Variants in ENOSF1 observed in about 807,000 individuals in gnomAD.
ENOSF1 encodes enolase superfamily member 1, also known as mitochondrial enolase superfamily member 1.
Under a neutral mutation model 68.2 loss-of-function variants are expected in ENOSF1, and 73 were observed. That is an observed-to-expected ratio of 1.07 (90% CI 0.89 to 1.30). The LOEUF is 1.30. ENOSF1 is among the 50% of genes most tolerant of loss of function. The probability of loss-of-function intolerance (pLI) is 0.00; values close to 1 mark genes in which losing one functional copy is unlikely to be tolerated. For missense variants in ENOSF1, 589 were observed against 554.5 expected (o/e 1.06, Z -0.62); for synonymous variants, 223 against 210.4 (o/e 1.06, Z -0.52).
intron 2 of ENOSF1, among the ~76,000 whole-genome samples, chr18:705,531 A>C (rs2078832606): frequency 6.6e-6 from 1 of 152,066 alleles, no homozygotes; most frequent in Non-Finnish European, 1.5e-5. Flanking sequence ...GCTCTGAAAA[A>C]AGTTATGTTC....
chr18:682,699 T>C (rs2076190532), intron 11 of ENOSF1, among the ~76,000 whole-genome samples: 1 of 133,560 alleles, frequency 7.5e-6, no homozygotes. Flanking sequence ...TGAAACCTCA[T>C]CTCTACTAAA....
At position 672,915 on chromosome 18, in the gene ENOSF1, A is replaced by C. The variant is rs1328401362; in HGVS notation, c.*1390T>G. 16 of 1,599,178 alleles carry C rather than the reference A, an allele frequency of 1.0e-5. No individual in the cohort carries two copies. Among genetic ancestry groups the C allele is most frequent in the Non-Finnish European group, 1.4e-5 (16 of 1,168,370 alleles). On this transcript the variant is annotated 3_prime_UTR_variant, in exon 16 of 16. Transcript: ENST00000647584. ...CTCAGGATTCTTCGAAAAGTTGAGAAAATTGATGACTTCAAAGCTGAAGAC... is the reference window on the plus strand; with the variant it reads ...CTCAGGATTCTTCGAAAAGTTGAGACAATTGATGACTTCAAAGCTGAAGAC...
In ENOSF1 at chr18:671,554, C is replaced by CT; in HGVS notation, c.*2750dup. On this transcript the variant is annotated 3_prime_UTR_variant, in exon 16 of 16. Coordinates refer to ENST00000647584, the MANE Select transcript of ENOSF1 (RefSeq NM_017512.7). ...AATGCTGTGTCCAAGATAAAGATGA[C>CT]TGCTCCAAATGTGGGGCTTCAGTTT... 1.2e-6 allele frequency: 1 copy of CT among 817,364 alleles called. No individual in the cohort carries two copies. The highest frequency in any genetic ancestry group is 2.1e-6 in the Non-Finnish European group (1 of 480,478). The allele number at this position is 817,364 out of a possible 1,614,324, so 50.6% of individuals were successfully genotyped here.
chr18:702,938 T>A (rs1228911911), intron 2 of ENOSF1, among the ~76,000 whole-genome samples: 2 of 152,190 alleles, frequency 1.3e-5, no homozygotes, highest in African/African-American at 2.4e-5. Context: ...CCTATTTTTT[T>A]AAATCATAAA....
chr18:667,523 TGATGGA>T (rs1567990872), downstream of ENOSF1, among the ~76,000 whole-genome samples: 20 of 55,996 alleles, frequency 3.6e-4, 2 homozygotes, highest in East Asian at 2.1e-3. Context: ...ATGGTGATGG[TGATGGA>T]GATGGTGATG....
chr18:670,857 C>T lies in ENOSF1; in HGVS notation c.*3448G>A, dbSNP rs750248338. 3 of 1,613,974 alleles carry T rather than the reference C, an allele frequency of 1.9e-6. No individual in the cohort carries two copies. The highest frequency in any genetic ancestry group is 1.3e-5 in the African/African-American group (1 of 75,004). ...CTCACGTACATGATTGCGCACATCA[C>T]GGGCCTGAAGGTGGGCTGTCTCGGG... is the stretch of plus-strand genomic sequence containing the variant. On this transcript the variant is annotated 3_prime_UTR_variant, in exon 16 of 16. Coordinates refer to ENST00000647584, the MANE Select transcript of ENOSF1 (RefSeq NM_017512.7).
rs1395706031 is a variant in ENOSF1, at chr18:712,511, T to TCCGCG, written c.72_76dup (p.Asp26AlafsTer18). ...CATGGCGTCCGCGCTTACCATGGCG[T>TCCGCG]CCGCGCCGTGGCCCCCAAGCGACGT... On this transcript the variant is annotated frameshift_variant, in exon 1 of 16. Coordinates refer to ENST00000647584, the MANE Select transcript of ENOSF1 (RefSeq NM_017512.7). LOFTEE classifies it high-confidence loss of function. 2.6e-6 allele frequency: 4 copies of TCCGCG among 1,538,022 alleles called. No individual in the cohort carries two copies. In the Admixed American group the frequency reaches 7.9e-5, roughly 30 times the overall value.
chr18:700,136 G>A (rs951007825), intron 2 of ENOSF1, among the ~76,000 whole-genome samples: 1 of 152,214 alleles, frequency 6.6e-6, no homozygotes, highest in Non-Finnish European at 1.5e-5. Context: ...GGCTAAGGGT[G>A]AAACAGCTCT....
chr18:684,706 T>C (rs1468538452), intron 10 of ENOSF1, among the ~76,000 whole-genome samples: 3 of 152,126 alleles, frequency 2.0e-5, no homozygotes, highest in Non-Finnish European at 2.9e-5. Context: ...ACTATCCTTC[T>C]TGGAAGCCAG....
chr18:684,142 C>T (rs528639683), intron 10 of ENOSF1, among the ~76,000 whole-genome samples: 4 of 151,768 alleles, frequency 2.6e-5, no homozygotes, highest in South Asian at 2.1e-4. Context: ...TACAGGCGCC[C>T]ACCACCACAC....
At chr18:675,222 C>T in intron 15 of ENOSF1, 99 bp downstream of exon 15, 1 of 890,704 alleles carries the variant, frequency 1.1e-6, no homozygotes, top group Non-Finnish European at 1.8e-6. Context: ...TGCAAACAAA[C>T]AGGAGTCAAA....
At chr18:697,451 A>G in intron 2 of ENOSF1, 96 bp from the exon 3 acceptor site, 1 of 1,043,374 alleles carries the variant, frequency 9.6e-7, no homozygotes, top group South Asian at 1.4e-5. Context: ...TGAAAGTTTT[A>G]TGAAAAAATT....
At chr18:675,512 A>T in intron 14 of ENOSF1, 110 bp from the exon 15 acceptor site, 1 of 937,810 alleles carries the variant, frequency 1.1e-6, no homozygotes, top group Non-Finnish European at 1.7e-6. Flanking sequence ...GTGTTGGCCA[A>T]GGCTTAGCTG....
chr18:683,796 T>C (rs1398934499), intron 10 of ENOSF1, among the ~76,000 whole-genome samples: 2 of 152,126 alleles, frequency 1.3e-5, no homozygotes, highest in South Asian at 2.1e-4. Flanking sequence ...GTTTGTTCAA[T>C]AGTCATTTAT....
chr18:691,956 C>T (rs1466282659), intron 5 of ENOSF1: 2 of 152,424 alleles, frequency 1.3e-5, no homozygotes, highest in Non-Finnish European at 2.9e-5. Flanking sequence ...CCACGGTGAG[C>T]TATGAGGCTG....
intron 5 of ENOSF1, chr18:693,312 G>A: frequency 8.1e-7 from 1 of 1,235,632 alleles, no homozygotes; most frequent in South Asian, 1.4e-5. Context: ...AAAGTGACTG[G>A]ATAGTATCTT....
chr18:690,525 A>C, intron 8 of ENOSF1, 24 bp downstream of exon 8: 2 of 1,614,112 alleles, frequency 1.2e-6, no homozygotes, highest in Non-Finnish European at 1.7e-6. Context: ...TCAGCTGTCT[A>C]CAAAGCCAGG....
rs369142925 is a variant in ENOSF1, at chr18:685,973, T to C, written c.689A>G (p.Asp230Gly). The change falls in exon 10 of 16, where the codon GAC becomes GGC. Residue 230 changes from aspartate (D) to glycine (G), a missense_variant. By Grantham distance (94) the Asp-to-Gly change is moderately conservative. Coordinates refer to ENST00000647584, the MANE Select transcript of ENOSF1 (RefSeq NM_017512.7). ...TCGGATGATTTGGCATCTTCGCATGTCATCCTGGAGATCAGCACCCACCTT... is the reference window on the plus strand; with the variant it reads ...TCGGATGATTTGGCATCTTCGCATGCCATCCTGGAGATCAGCACCCACCTT... ...KVKVGADLQD[D>G]MRRCQIIRDM... 42 of 1,614,058 alleles carry C rather than the reference T, an allele frequency of 2.6e-5. No homozygotes were observed. The highest frequency in any genetic ancestry group is 3.3e-5 in the Non-Finnish European group (39 of 1,180,032).
chr18:676,457 C>T (rs2075527332), intron 14 of ENOSF1, among the ~76,000 whole-genome samples: 1 of 152,138 alleles, frequency 6.6e-6, no homozygotes. Flanking sequence ...ACCTTCCCCC[C>T]TCACTCTCTC....
Sources: allele counts gnomAD v4.1 joint callset (sites outside exome capture counted in the v4.1 genomes callset), GRCh38; gene constraint gnomAD v4.1.1; transcripts MANE v1.5; gene names NCBI Gene and HGNC (gene_info 2026-07-23, HGNC 2026-07-21).